Variants in UBXN2A observed in about 807,000 individuals in gnomAD.
The protein encoded by UBXN2A is UBX domain-containing protein 2A.
A neutral mutation model predicts 28.4 loss-of-function variants in UBXN2A; 28 were observed. That is an observed-to-expected ratio of 0.99 (90% CI 0.73 to 1.35). The LOEUF (loss-of-function observed/expected upper bound fraction) is 1.35. UBXN2A is among the 40% of genes most tolerant of loss of function. The probability of loss-of-function intolerance (pLI) is 0.00; values close to 1 mark genes in which losing one functional copy is unlikely to be tolerated. For synonymous variants in UBXN2A, 97 were observed against 103.6 expected (o/e 0.94, Z 0.39); for missense variants, 253 against 297.9 (o/e 0.85, Z 1.11).
At chr2:23,935,809 G>C (rs1294174472), upstream of UBXN2A, among the ~76,000 whole-genome samples, 5 of 152,164 alleles carry the variant, frequency 3.3e-5, no homozygotes, top group Admixed American at 2.0e-4. Context: ...CAGCACTTTG[G>C]GAAGCCGAGG....
intron 2 of UBXN2A, among the ~76,000 whole-genome samples, chr2:23,960,340 A>G (rs1706844553): frequency 6.6e-6 from 1 of 152,198 alleles, no homozygotes; most frequent in South Asian, 2.1e-4. Context: ...AAAGATAGCA[A>G]TCAGATCTGC....
At chr2:23,995,606 T>C (rs914402783) in intron 6 of UBXN2A, among the ~76,000 whole-genome samples, 1 of 148,726 alleles carries the variant, frequency 6.7e-6, no homozygotes, top group African/African-American at 2.5e-5. Flanking sequence ...GGCAGGAGAA[T>C]GGTGTGAACC....
chr2:23,977,835 A>G (rs1707735287), intron 4 of UBXN2A, among the ~76,000 whole-genome samples: 1 of 151,854 alleles, frequency 6.6e-6, no homozygotes, highest in African/African-American at 2.4e-5. Flanking sequence ...CCACAACTAC[A>G]ATTTTTTTTT....
chr2:23,973,089 A>T (rs1241414150), intron 3 of UBXN2A, among the ~76,000 whole-genome samples: 2 of 148,640 alleles, frequency 1.3e-5, no homozygotes, highest in East Asian at 2.0e-4. Context: ...GCACGATCTC[A>T]GCTCACTGCA....
chr2:24,002,912 A>G lies in UBXN2A; in HGVS notation c.*3045A>G, dbSNP rs1708748295. ...GAAAAGAAGCAAATAATGCCTTAGT[A>G]TGATTATGAAAAACGTTTTGACTTC... On this transcript the variant is annotated 3_prime_UTR_variant, in exon 7 of 7. Transcript: ENST00000309033. 1 of 152,228 alleles carries G rather than the reference A, an allele frequency of 6.6e-6. No homozygotes were observed. The allele number at this position is 152,228 out of a possible 1,614,324, so 9.4% of individuals were successfully genotyped here.
At chr2:23,995,985 A>G (rs1469578347) in intron 6 of UBXN2A, among the ~76,000 whole-genome samples, 2 of 147,086 alleles carry the variant, frequency 1.4e-5, no homozygotes, top group Non-Finnish European at 3.0e-5. Context: ...AACCTGCACC[A>G]CCTCCCAGGT....
At chr2:23,952,731 CCA>C (rs1706434305) in intron 1 of UBXN2A, among the ~76,000 whole-genome samples, 1 of 152,156 alleles carries the variant, frequency 6.6e-6, no homozygotes, top group African/African-American at 2.4e-5. Context: ...GTGTGAGCTA[CCA>C]CACACAGCCA....
chr2:23,981,080 A>G (rs533254390), intron 4 of UBXN2A, among the ~76,000 whole-genome samples: 114 of 152,298 alleles, frequency 7.5e-4, no homozygotes, highest in African/African-American at 2.6e-3. Context: ...AAAATAAAAC[A>G]ATTACCTAGA....
chr2:23,955,709 G>A (rs576608218), intron 1 of UBXN2A, among the ~76,000 whole-genome samples: 35 of 152,258 alleles, frequency 2.3e-4, no homozygotes, highest in African/African-American at 8.4e-4. Context: ...TGATATAATG[G>A]TAACTATTTG....
chr2:23,945,617 G>A (rs149212725), intron 1 of UBXN2A, among the ~76,000 whole-genome samples: 1,820 of 151,890 alleles, frequency 0.012, 21 homozygotes, highest in Non-Finnish European at 0.019. Flanking sequence ...AAAAAGAAAC[G>A]TAAGCTTCTA....
At chr2:23,975,749 C>G (rs1707631863) in intron 3 of UBXN2A, among the ~76,000 whole-genome samples, 1 of 152,128 alleles carries the variant, frequency 6.6e-6, no homozygotes, top group Non-Finnish European at 1.5e-5. Context: ...AGCGATTCTC[C>G]TACCTCAGCC....
At chr2:23,953,390 A>G (rs1706466357) in intron 1 of UBXN2A, among the ~76,000 whole-genome samples, 1 of 152,146 alleles carries the variant, frequency 6.6e-6, no homozygotes, top group Non-Finnish European at 1.5e-5. Context: ...TCCACTCCCC[A>G]ATCCACTTGA....
chr2:23,932,834 G>A (rs575836430), intron 1 of UBXN2A, among the ~76,000 whole-genome samples: 185 of 152,270 alleles, frequency 1.2e-3, no homozygotes, highest in African/African-American at 3.9e-3. Flanking sequence ...AACCAGGCGC[G>A]GTGGCTCACG....
At chr2:23,949,466 G>A (rs894678084) in intron 1 of UBXN2A, among the ~76,000 whole-genome samples, 2 of 151,954 alleles carry the variant, frequency 1.3e-5, no homozygotes, top group African/African-American at 4.8e-5. Context: ...CAGCTACTCG[G>A]GAGGCTGAGG....
intron 1 of UBXN2A, among the ~76,000 whole-genome samples, chr2:23,955,902 C>T (rs1386100843): frequency 6.6e-6 from 1 of 152,192 alleles, no homozygotes; most frequent in Non-Finnish European, 1.5e-5. Flanking sequence ...TTAAAGGGTT[C>T]ATCTCAGGCT....
At chr2:23,952,970 T>G (rs1378989504) in intron 1 of UBXN2A, among the ~76,000 whole-genome samples, 6 of 151,822 alleles carry the variant, frequency 4.0e-5, no homozygotes, top group Non-Finnish European at 5.9e-5. Context: ...TTAGTTGTTT[T>G]TTTTTTTTTT....
chr2:23,967,369 A>G (rs1707222262), intron 2 of UBXN2A, among the ~76,000 whole-genome samples: 1 of 152,232 alleles, frequency 6.6e-6, no homozygotes, highest in Non-Finnish European at 1.5e-5. Flanking sequence ...ATGGAGCACT[A>G]ACTACCATCT....
At chr2:23,931,053 G>A (rs1705352439) in intron 1 of UBXN2A, among the ~76,000 whole-genome samples, 1 of 151,980 alleles carries the variant, frequency 6.6e-6, no homozygotes, top group South Asian at 2.1e-4. Flanking sequence ...TGTAATCTCA[G>A]CTACTCAGCT....
rs1485978873 is a variant in UBXN2A at position 23,999,748 on chromosome 2, C to G, written c.661C>G (p.Leu221Val). ...TCCTCCGTTTTCCCTGGCAACAGCTCTTCCTGTCCTCAGGTTGCTAGATGA... is the reference window on the plus strand; with the variant it reads ...TCCTCCGTTTTCCCTGGCAACAGCTGTTCCTGTCCTCAGGTTGCTAGATGA... Reference protein sequence around the residue: ...RSPPFSLATALPVLRLLDETL... With the variant: ...RSPPFSLATAVPVLRLLDETL... Residue 221 changes from leucine to valine, a missense_variant, in exon 7 of 7, where the codon CTT becomes GTT. Transcript: ENST00000309033. 6.2e-7 allele frequency: 1 copy of G among 1,614,052 alleles called. No homozygotes were observed. Among genetic ancestry groups the G allele is most frequent in the Non-Finnish European group, 8.5e-7 (1 of 1,180,048 alleles).
Sources: allele counts gnomAD v4.1 joint callset (sites outside exome capture counted in the v4.1 genomes callset), GRCh38; gene constraint gnomAD v4.1.1; transcripts MANE v1.5; gene names NCBI Gene and HGNC (gene_info 2026-07-23, HGNC 2026-07-21).